ATP2B1: variants seen among roughly 807,000 people sequenced by gnomAD.
ATP2B1 encodes plasma membrane calcium-transporting ATPase 1.
In ATP2B1, 14 loss-of-function variants were observed where a neutral mutation model predicts 124.2. The ratio of observed to expected loss-of-function variants is 0.11; its 90% CI spans 0.07 to 0.18. The LOEUF (loss-of-function observed/expected upper bound fraction) is 0.18. Ranked by LOEUF, ATP2B1 falls within the 10% of genes least tolerant of loss-of-function variation. The probability of loss-of-function intolerance (pLI) is 1.00; values close to 1 mark genes in which losing one functional copy is unlikely to be tolerated. For synonymous variants in ATP2B1, 449 were observed against 492.4 expected, an observed-to-expected ratio of 0.91 and a Z score of 1.17; for missense variants, 763 against 1,466.1, an observed-to-expected ratio of 0.52 and a Z score of 7.83.
intron 1 of ATP2B1, among the ~76,000 whole-genome samples, chr12:89,677,852 G>GT (rs1257991353): frequency 1.3e-5 from 2 of 151,076 alleles, no homozygotes; most frequent in African/African-American, 2.4e-5. Context: ...TTCAAATACC[G>GT]TAACTAGATG....
At chr12:89,595,884 A>G (rs1332523368) in intron 20 of ATP2B1, among the ~76,000 whole-genome samples, 1 of 152,118 alleles carries the variant, frequency 6.6e-6, no homozygotes, top group Non-Finnish European at 1.5e-5. Context: ...TGATAAAGCA[A>G]CAACTACAAA....
chr12:89,601,416 A>G lies in ATP2B1; in HGVS notation c.3078T>C (p.Phe1026=), dbSNP rs1385197297. The part of the protein sequence containing the change: ...TFVVQIIIVQ[F]GGKPFSCSEL... ...CTGAACAACTGAAAGGTTTTCCACC[A>G]AACTGCACAATTATTATCTGGAGGA... Residue 1026 remains phenylalanine (F), a synonymous_variant, in exon 19 of 21, where the codon TTT becomes TTC. Transcript: ENST00000428670. The G allele has an allele frequency of 6.4e-7, 1 of 1,563,324 alleles. No individual in the cohort carries two copies. Among genetic ancestry groups the G allele is most frequent in the Non-Finnish European group, 8.6e-7 (1 of 1,163,038 alleles).
chr12:89,611,548 TA>T, intron 12 of ATP2B1, 176 bp from the exon 13 acceptor site: 1 of 514,042 alleles, frequency 1.9e-6, no homozygotes, highest in Non-Finnish European at 3.0e-6. Flanking sequence ...CTATTTTCAA[TA>T]ATCTCTTTCC....
chr12:89,698,996 T>A (rs1477935281), intron 1 of ATP2B1, among the ~76,000 whole-genome samples: 1 of 152,138 alleles, frequency 6.6e-6, no homozygotes, highest in Non-Finnish European at 1.5e-5. Flanking sequence ...GGAAAAGAGA[T>A]CACAGAGTAC....
In ATP2B1 at chr12:89,620,006, G is replaced by A. The variant is rs374481414; in HGVS notation, c.1822C>T (p.Leu608=). ...CAAGCATTTTACTCTTACTTTTTCA[G>A]AATTATCTCAGATGCACCCTTGCTG... ...IFSKGASEII[L]KKCFKILSAN... is the part of the protein sequence containing the mutation. The change falls in exon 11 of 21, where the codon CTG becomes TTG. Residue 608 remains leucine (L), a synonymous_variant. Transcript: ENST00000428670. 42 of 1,613,568 alleles carry A rather than the reference G, an allele frequency of 2.6e-5. No homozygotes were observed. The African/African-American group carries it at 4.8e-4, about 18-fold the overall frequency.
chr12:89,621,520 A>G, intron 10 of ATP2B1, 29 bp downstream of exon 10: 2 of 1,429,082 alleles, frequency 1.4e-6, no homozygotes, highest in South Asian at 2.7e-5. Context: ...TTAAAAATTA[A>G]TTTTCATAAA....
Position 89,604,247 on chromosome 12 carries a change from C to T in ATP2B1, c.2542G>A (p.Val848Ile), listed in dbSNP as rs1351558574. Reference sequence around the variant, plus strand: ...AGGAATTTTGAGATGCTGTCATAGACATTTCGTCCCCACATAACTGCTTTA... The same window carrying T: ...AGGAATTTTGAGATGCTGTCATAGATATTTCGTCCCCACATAACTGCTTTA... ...IVKAVMWGRN[V>I]YDSISKFLQF... Residue 848 changes from valine (V) to isoleucine (I), a missense_variant, in exon 16 of 21, where the codon GTC (valine) becomes ATC (isoleucine). This residue lies in a region of ATP2B1 where 51 missense variants were observed against 192.8 expected (regional missense o/e 0.26). Transcript: ENST00000428670. 1 of 1,613,990 alleles carries T rather than the reference C, an allele frequency of 6.2e-7. No homozygotes were observed. Among genetic ancestry groups the T allele is most frequent in the Non-Finnish European group, 8.5e-7 (1 of 1,179,958 alleles).
intron 8 of ATP2B1, 79 bp from the exon 9 acceptor site, chr12:89,624,476 T>C: frequency 1.7e-6 from 2 of 1,154,468 alleles, no homozygotes; most frequent in Non-Finnish European, 2.4e-6. Flanking sequence ...AATTAAACAC[T>C]GTAAAGAGTT....
rs1880481238 is a variant in ATP2B1 at position 89,624,338 on chromosome 12, A to G, written c.1189T>C (p.Phe397Leu). The change falls in exon 9 of 21, where the codon TTC becomes CTC. Residue 397 changes from phenylalanine (F) to leucine (L), a missense_variant. By Grantham distance (22) the Phe-to-Leu change is conservative. Around this residue, in one of 7 missense-constraint regions of ATP2B1, gnomAD observed 392 missense variants for 776.6 expected, o/e 0.50. Transcript: ENST00000428670. ...ILVLYFVIDT[F>L]WVQKRPWLAE... ...AGCCATGGTCTTTTCTGAACCCAGA[A>G]GGTGTCAATGACAAAATATAATACT... 1 of 1,614,046 alleles carries G rather than the reference A, an allele frequency of 6.2e-7. No individual in the cohort carries two copies. Among genetic ancestry groups the G allele is most frequent in the Non-Finnish European group, 8.5e-7 (1 of 1,180,002 alleles).
chr12:89,657,335 C>A lies in ATP2B1; in HGVS notation c.-221-1228G>T, dbSNP rs1886082588. ...TCCTCATTCTAATGTCTCACACATACAATGCCCTAAGCATTTTGCTGCTAC... is the reference window on the plus strand; with the variant it reads ...TCCTCATTCTAATGTCTCACACATAAAATGCCCTAAGCATTTTGCTGCTAC... On this transcript the variant is annotated intron_variant, in intron 1 of 20. Coordinates refer to ENST00000428670, the MANE Select transcript of ATP2B1 (RefSeq NM_001366521.1). Among the ~76,000 whole-genome samples the A allele has an allele frequency of 2.6e-5, 4 of 152,300 alleles. No homozygotes were observed. In the Middle Eastern group the frequency reaches 0.01, roughly 389 times the overall value.
intron 2 of ATP2B1, among the ~76,000 whole-genome samples, chr12:89,643,912 G>T (rs1592841997): frequency 6.6e-6 from 1 of 152,224 alleles, no homozygotes; most frequent in East Asian, 1.9e-4. Flanking sequence ...ACCTGAGGTC[G>T]GGAGTTCAAG....
chr12:89,683,087 A>G (rs1451388652), intron 1 of ATP2B1, among the ~76,000 whole-genome samples: 1 of 152,232 alleles, frequency 6.6e-6, no homozygotes, highest in Admixed American at 6.5e-5. Context: ...CTTCACTCAA[A>G]AGAGAAATGC....
intron 2 of ATP2B1, among the ~76,000 whole-genome samples, chr12:89,644,046 C>T (rs1244874156): frequency 2.6e-5 from 4 of 152,044 alleles, no homozygotes; most frequent in Admixed American, 2.6e-4. Flanking sequence ...CACTTGAACC[C>T]AGGAGGCTGA....
intron 18 of ATP2B1, among the ~76,000 whole-genome samples, chr12:89,601,945 AAC>A (rs1312674227): frequency 7.9e-5 from 12 of 152,236 alleles, no homozygotes; most frequent in Non-Finnish European, 1.0e-4. Context: ...TACTAAGATA[AAC>A]ACAGACTATA....
intron 1 of ATP2B1, among the ~76,000 whole-genome samples, chr12:89,702,427 T>C (rs1459907543): frequency 6.6e-6 from 1 of 152,166 alleles, no homozygotes; most frequent in Non-Finnish European, 1.5e-5. Flanking sequence ...ATATGAAAGG[T>C]AGATTAAAGC....
chr12:89,627,500 T>C (rs767911923), intron 7 of ATP2B1, among the ~76,000 whole-genome samples, 178 bp downstream of exon 7: 2 of 152,000 alleles, frequency 1.3e-5, no homozygotes, highest in African/African-American at 2.4e-5. Context: ...TAAAATCTTA[T>C]TAACATTGCA....
chr12:89,658,972 T>C (rs1886341126), intron 1 of ATP2B1, among the ~76,000 whole-genome samples: 1 of 152,212 alleles, frequency 6.6e-6, no homozygotes, highest in Non-Finnish European at 1.5e-5. Flanking sequence ...TGTCTATTTC[T>C]AGATCACCCA....
intron 3 of ATP2B1, among the ~76,000 whole-genome samples, chr12:89,640,544 C>T (rs531521049): frequency 6.6e-6 from 1 of 152,290 alleles, no homozygotes; most frequent in Non-Finnish European, 1.5e-5. Context: ...GTCCAAATTT[C>T]TTTAAAGAGA....
Position 89,613,147 on chromosome 12 carries a change from T to C in ATP2B1, c.2068-1775A>G, listed in dbSNP as rs190997407. 2.2e-3 allele frequency among the ~76,000 whole-genome samples: 336 copies of C among 152,080 alleles called. 2 individuals are homozygous for C. The highest frequency in any genetic ancestry group is 7.5e-3 in the African/African-American group (312 of 41,486). ...GGTACACGCCACCATGCACAGCTAATTTTTTGTATTTTTGGTAGAGATGGG... is the reference window on the plus strand; with the variant it reads ...GGTACACGCCACCATGCACAGCTAACTTTTTGTATTTTTGGTAGAGATGGG... On this transcript the variant is annotated intron_variant, in intron 12 of 20. Transcript: ENST00000428670.
Sources: gnomAD v4.1 joint callset for allele counts (sites outside exome capture counted in the v4.1 genomes callset) on GRCh38, gnomAD v4.1.1 for gene constraint, gnomAD v4.1.1 regional missense constraint, MANE v1.5 for transcripts, NCBI Gene and HGNC (gene_info 2026-07-23, HGNC 2026-07-21) for gene names.